SMG1: variants seen among roughly 807,000 people sequenced by gnomAD.
SMG1 encodes the protein SMG1 nonsense mediated mRNA decay associated PI3K related kinase, also known as serine/threonine-protein kinase SMG1.
In SMG1, 22 loss-of-function variants were observed where a neutral mutation model predicts 419.9. That is an observed-to-expected ratio of 0.05 (90% confidence interval 0.04 to 0.07). The LOEUF (loss-of-function observed/expected upper bound fraction) is 0.07, where lower values mean the gene tolerates loss of function less well. SMG1 is among the 10% of genes least tolerant of loss of function. SMG1 has a pLI of 1.00. For synonymous variants in SMG1, 1,538 were observed against 1,553.5 expected (o/e 0.99, Z 0.23); for missense variants, 3,185 against 4,342.0 (o/e 0.73, Z 7.49).
chr16:18,855,487 C>T (rs1028154024), intron 29 of SMG1, among the ~76,000 whole-genome samples: 2 of 151,544 alleles, frequency 1.3e-5, no homozygotes, highest in Non-Finnish European at 2.9e-5. Context: ...CACCTGCCAA[C>T]TGGTCATCTA....
chr16:18,918,127 G>A (rs2038049401), intron 1 of SMG1, among the ~76,000 whole-genome samples: 2 of 152,040 alleles, frequency 1.3e-5, no homozygotes, highest in African/African-American at 4.8e-5. Flanking sequence ...GGGTGTGGTG[G>A]TGCGTGCCTG....
chr16:18,889,211 C>T (rs960726825), intron 6 of SMG1, among the ~76,000 whole-genome samples, 161 bp downstream of exon 6: 1 of 151,882 alleles, frequency 6.6e-6, no homozygotes, highest in Non-Finnish European at 1.5e-5. Flanking sequence ...AACAGTGTAT[C>T]CTTTACTCAA....
chr16:18,813,614 C>T (rs1023219874), intron 60 of SMG1, among the ~76,000 whole-genome samples: 11 of 152,030 alleles, frequency 7.2e-5, no homozygotes, highest in Non-Finnish European at 1.6e-4. Context: ...CTGTAGGTTG[C>T]CTGTTCACTC....
chr16:18,913,774 G>A (rs1370701642), intron 1 of SMG1, among the ~76,000 whole-genome samples: 1 of 151,714 alleles, frequency 6.6e-6, no homozygotes, highest in African/African-American at 2.4e-5. Flanking sequence ...GATAAAAAGG[G>A]TAATAAAAAA....
intron 23 of SMG1, among the ~76,000 whole-genome samples, chr16:18,865,662 ATTT>A (rs578185182): frequency 1.4e-5 from 2 of 143,140 alleles, no homozygotes; most frequent in Non-Finnish European, 1.5e-5. Context: ...TAACATGGCA[ATTT>A]TTTTTTTTTT....
chr16:18,852,599 T>C (rs979326403), intron 31 of SMG1, 137 bp from the exon 32 acceptor site: 28 of 676,470 alleles, frequency 4.1e-5, no homozygotes, highest in Non-Finnish European at 6.2e-5. Flanking sequence ...TTACTGTACA[T>C]AACTTGAGAA....
At chr16:18,883,344 C>G (rs1482763946) in intron 9 of SMG1, among the ~76,000 whole-genome samples, 1 of 152,204 alleles carries the variant, frequency 6.6e-6, no homozygotes, top group African/African-American at 2.4e-5. Context: ...TGGCTAAAGC[C>G]AAGGCTTGTC....
intron 1 of SMG1, among the ~76,000 whole-genome samples, chr16:18,898,790 C>A (rs1444263452): frequency 6.6e-6 from 1 of 152,138 alleles, no homozygotes; most frequent in East Asian, 1.9e-4. Flanking sequence ...ACTACCTTTA[C>A]TATTAAGAGT....
Position 18,848,026 on chromosome 16 carries a change from T to C in SMG1, c.5631A>G (p.Lys1877=). Residue 1877 remains lysine, a synonymous_variant, in exon 37 of 63, where the codon AAA becomes AAG. Coordinates refer to ENST00000446231, the MANE Select transcript of SMG1 (RefSeq NM_015092.5). ...GTAAAGTTGGAATTGCAGTGGAAAA[T>C]TTATTTCCTGTAATGAAATAGGAGA... ...LSSESQASGN[K]FSTAIPTLLG... 1 of 1,612,498 alleles carries C rather than the reference T, an allele frequency of 6.2e-7. No homozygotes were observed. The highest frequency in any genetic ancestry group is 8.5e-7 in the Non-Finnish European group (1 of 1,178,710).
At chr16:18,844,791 CAG>C (rs1228139382) in intron 39 of SMG1, among the ~76,000 whole-genome samples, 1 of 151,864 alleles carries the variant, frequency 6.6e-6, no homozygotes, top group African/African-American at 2.4e-5. Context: ...AGGTAAGAGA[CAG>C]AGAAAAGAGG....
chr16:18,866,676 T>C lies in SMG1; in HGVS notation c.3295A>G (p.Ile1099Val), dbSNP rs375998689. Residue 1099 changes from isoleucine to valine, a missense_variant, in exon 23 of 63, where the codon ATT becomes GTT. Ile to Val is a conservative substitution (Grantham distance 29, BLOSUM62 3). This residue lies in a region of SMG1 where 121 missense variants were observed against 125.4 expected (regional missense o/e 0.96). Coordinates refer to ENST00000446231, the MANE Select transcript of SMG1 (RefSeq NM_015092.5). ...ATCCACAGAAGATTTTTTCCAACAA[T>C]AGATGATGACCAGACAGCAATTCCC... ...IQGIAVWSSS[I>V]VGKNLLWINS... 74 of 1,594,786 alleles carry C rather than the reference T, an allele frequency of 4.6e-5. No homozygotes were observed. The highest frequency in any genetic ancestry group is 1.5e-4 in the African/African-American group (11 of 74,776).
At chr16:18,836,821 T>G (rs564314167) in intron 46 of SMG1, among the ~76,000 whole-genome samples, 5 of 152,336 alleles carry the variant, frequency 3.3e-5, no homozygotes, top group Admixed American at 6.5e-5. Context: ...CACACAATGC[T>G]TGACACTTTC....
chr16:18,827,324 G>A (rs2032758080), intron 55 of SMG1, among the ~76,000 whole-genome samples: 1 of 151,596 alleles, frequency 6.6e-6, no homozygotes, highest in African/African-American at 2.4e-5. Flanking sequence ...TACTTCAGAG[G>A]CTGAGGCAGG....
At chr16:18,913,959 G>C (rs554576120) in intron 1 of SMG1, among the ~76,000 whole-genome samples, 102 of 152,150 alleles carry the variant, frequency 6.7e-4, no homozygotes, top group African/African-American at 2.3e-3. Flanking sequence ...CTGAGGTCGG[G>C]AGATGAAGAA....
chr16:18,863,839 T>C lies in SMG1; in HGVS notation c.3506A>G (p.Lys1169Arg), dbSNP rs1374790859. 6.3e-7 allele frequency: 1 copy of C among 1,585,974 alleles called. No individual in the cohort carries two copies. The highest frequency in any genetic ancestry group is 2.2e-5 in the East Asian group (1 of 44,726). The change falls in exon 25 of 63, where the codon AAA becomes AGA. Residue 1169 changes from lysine (K) to arginine (R), a missense_variant. Physicochemically the swap from Lys to Arg is conservative, Grantham distance 26 (BLOSUM62 2). Transcript: ENST00000446231. ...PKHSLNGESR[K>R]TVLSKPTDSS... Reference sequence around the variant, plus strand: ...GTCAGTCGGTTTGGACAGCACAGTTTTTCTGGATTCACCTGAAAGTATTTT... The same window carrying C: ...GTCAGTCGGTTTGGACAGCACAGTTCTTCTGGATTCACCTGAAAGTATTTT...
At chr16:18,827,903 T>C (rs1463463266) in intron 55 of SMG1, 128 bp downstream of exon 55, 5 of 693,644 alleles carry the variant, frequency 7.2e-6, no homozygotes, top group Non-Finnish European at 1.0e-5. Flanking sequence ...GTGAAAAAAA[T>C]TATGCTCTTC....
At position 18,851,971 on chromosome 16, in the gene SMG1, GC is replaced by G. The variant is rs1307570695; in HGVS notation, c.5052+95del. On this transcript the variant is annotated intron_variant, in intron 33 of 62. Transcript: ENST00000446231. Reference sequence around the variant, plus strand: ...TTTTATTTACAACAACAATTGGTAAGCCCCATTCAGTATTTTATCAAATATA... The same window carrying G: ...TTTTATTTACAACAACAATTGGTAAGCCCATTCAGTATTTTATCAAATATA... 14 of 1,272,766 alleles carry G rather than the reference GC, an allele frequency of 1.1e-5. No homozygotes were observed. The African/African-American group carries it at 2.1e-4, about 19-fold the overall frequency. 78.8% of individuals were successfully genotyped at this position (1,272,766 alleles called of 1,614,324 possible). A position where few individuals can be genotyped will look rare whatever the true frequency, so the allele number is the denominator to read the frequency against.
At chr16:18,818,405 T>G (rs188175817) in intron 56 of SMG1, among the ~76,000 whole-genome samples, 11 of 151,674 alleles carry the variant, frequency 7.3e-5, no homozygotes, top group African/African-American at 2.7e-4. Flanking sequence ...AAAAAAAATT[T>G]TTTTTTTGGT....
chr16:18,819,569 T>C lies in SMG1; in HGVS notation c.9827A>G (p.Gln3276Arg), dbSNP rs2032329936. The change falls in exon 56 of 63, where the codon CAA (glutamine) becomes CGA (arginine). Residue 3276 changes from glutamine (Q) to arginine (R), a missense_variant. By Grantham distance (43) the Gln-to-Arg change is conservative. Transcript: ENST00000446231. ...GANPALAPVL[Q>R]DFEATIAERR... ...TTCAGCTATCGTTGCTTCAAAATCT[T>C]GTAGTACAGGGGCCAATGCAGGGTT... 6.2e-7 allele frequency: 1 copy of C among 1,603,226 alleles called. No individual in the cohort carries two copies. Among genetic ancestry groups the C allele is most frequent in the Non-Finnish European group, 8.5e-7 (1 of 1,174,440 alleles).
Sources: gnomAD v4.1 joint callset for allele counts (sites outside exome capture counted in the v4.1 genomes callset) on GRCh38, gnomAD v4.1.1 for gene constraint, gnomAD v4.1.1 regional missense constraint, MANE v1.5 for transcripts, NCBI Gene and HGNC (gene_info 2026-07-23, HGNC 2026-07-21) for gene names.